OR6C74: variants seen among roughly 807,000 people sequenced by gnomAD.
OR6C74 encodes olfactory receptor family 6 subfamily C member 74.
For missense variants in OR6C74, 361 were observed against 362.9 expected (o/e 0.99, Z 0.04); for synonymous variants, 142 against 134.2 (o/e 1.06, Z -0.40).
rs879720253 is a variant in OR6C74 at position 55,250,082 on chromosome 12, C to A, written c.*1856C>A. 1.3e-5 allele frequency among the ~76,000 whole-genome samples: 2 copies of A among 151,970 alleles called. No individual in the cohort carries two copies. Among genetic ancestry groups the A allele is most frequent in the Non-Finnish European group, 2.9e-5 (2 of 67,982 alleles). Reference sequence around the variant, plus strand: ...AATAATTATACTTTATAGATAATAACGACACTCAAGAAAAGTTGACTCAAA... The same window carrying A: ...AATAATTATACTTTATAGATAATAAAGACACTCAAGAAAAGTTGACTCAAA... On this transcript the variant is annotated 3_prime_UTR_variant, in exon 2 of 2. Coordinates refer to ENST00000343399, the MANE Select transcript of OR6C74 (RefSeq NM_001005490.2).
rs770759996 is a variant in OR6C74 at position 55,247,944 on chromosome 12, T to C, written c.657T>C (p.Ile219=). The part of the protein sequence containing the change: ...LVLVILSYTN[I]IRTILKIPSS... ...TAGTGATTCTCTCCTACACAAATAT[T>C]ATCAGGACTATTCTGAAAATACCTT... The change falls in exon 2 of 2, where the codon ATT becomes ATC. Residue 219 remains isoleucine, a synonymous_variant. Transcript: ENST00000343399. 1 of 1,614,052 alleles carries C rather than the reference T, an allele frequency of 6.2e-7. No individual in the cohort carries two copies.
At chr12:55,245,816 T>C (rs931836831) in intron 1 of OR6C74, among the ~76,000 whole-genome samples, 1 of 152,206 alleles carries the variant, frequency 6.6e-6, no homozygotes, top group Non-Finnish European at 1.5e-5. Context: ...ATATAAACTA[T>C]GATTTTTAAT....
chr12:55,247,748 T>C lies in OR6C74; in HGVS notation c.461T>C (p.Ile154Thr). Residue 154 changes from isoleucine (I) to threonine (T), a missense_variant, in exon 2 of 2, where the codon ATT becomes ACT. Physicochemically the swap from Ile to Thr is moderately conservative, Grantham distance 89. Coordinates refer to ENST00000343399, the MANE Select transcript of OR6C74 (RefSeq NM_001005490.2). ...FASWMAGFLI[I>T]FPPLLMGLQL... The stretch of plus-strand genomic sequence containing the variant: ...TCATGGATGGCTGGCTTCCTAATAA[T>C]TTTTCCGCCACTCCTGATGGGTCTC... The C allele has an allele frequency of 6.2e-7, 1 of 1,613,900 alleles. No individual in the cohort carries two copies. Among genetic ancestry groups the C allele is most frequent in the Non-Finnish European group, 8.5e-7 (1 of 1,179,952 alleles).
Sources: gnomAD v4.1 joint callset for allele counts (sites outside exome capture counted in the v4.1 genomes callset) on GRCh38, gnomAD v4.1.1 for gene constraint, MANE v1.5 for transcripts, NCBI Gene and HGNC (gene_info 2026-07-23, HGNC 2026-07-21) for gene names.